The following C12orf42 variants were observed in gnomAD, a reference collection of about 807,000 sequenced individuals.
C12orf42 encodes the protein chromosome 12 open reading frame 42.
A neutral mutation model predicts 21.6 loss-of-function variants in C12orf42; 25 were observed. The observed-to-expected ratio is 1.16, with a 90% CI of 0.84 to 1.62. The LOEUF (loss-of-function observed/expected upper bound fraction) is 1.62. Among genes scored for constraint, C12orf42 ranks in the 40% most tolerant of loss-of-function variants. C12orf42 has a pLI of 0.00. For synonymous variants in C12orf42, 174 were observed against 175.0 expected, an observed-to-expected ratio of 0.99 and a Z score of 0.05; for missense variants, 483 against 459.3, an observed-to-expected ratio of 1.05 and a Z score of -0.47.
intron 2 of C12orf42, among the ~76,000 whole-genome samples, chr12:103,427,384 G>T (rs2139255203): frequency 6.6e-6 from 1 of 151,262 alleles, no homozygotes; most frequent in South Asian, 2.1e-4. Flanking sequence ...AACAAGGAAG[G>T]TCATTATATC....
chr12:103,397,014 C>A (rs527676113), intron 3 of C12orf42, among the ~76,000 whole-genome samples: 1 of 152,202 alleles, frequency 6.6e-6, no homozygotes, highest in Admixed American at 6.5e-5. Context: ...TCTGTCTGAT[C>A]TGTGTGTCTA....
intron 2 of C12orf42, among the ~76,000 whole-genome samples, chr12:103,413,370 G>A (rs1398357536): frequency 6.6e-6 from 1 of 152,154 alleles, no homozygotes; most frequent in Non-Finnish European, 1.5e-5. Context: ...AGTATAGTTT[G>A]AAGTCAGATA....
chr12:103,285,915 C>T (rs2036423040), intron 4 of C12orf42, among the ~76,000 whole-genome samples: 1 of 152,102 alleles, frequency 6.6e-6, no homozygotes, highest in Non-Finnish European at 1.5e-5. Context: ...CAGTGCTAAA[C>T]AGATAGTAGG....
the C12orf42 span, among the ~76,000 whole-genome samples, chr12:103,063,675 C>T: frequency 8.5e-5 from 13 of 152,156 alleles, no homozygotes; most frequent in Non-Finnish European, 1.5e-4. Context: ...AGGAGCTACC[C>T]GAACACCCCT....
chr12:103,363,924 C>A (rs1026140818), intron 4 of C12orf42, among the ~76,000 whole-genome samples: 1 of 152,034 alleles, frequency 6.6e-6, no homozygotes, highest in Non-Finnish European at 1.5e-5. Flanking sequence ...ACTGACAGCA[C>A]TAGACAGGCC....
At chr12:103,509,091 T>C in the C12orf42 span, among the ~76,000 whole-genome samples, 1 of 152,150 alleles carries the variant, frequency 6.6e-6, no homozygotes, top group Non-Finnish European at 1.5e-5. Context: ...GAGGTGGTGT[T>C]CAAACCCAGT....
At chr12:103,239,022 G>T (rs889232817) in intron 10 of C12orf42, among the ~76,000 whole-genome samples, 1 of 152,186 alleles carries the variant, frequency 6.6e-6, no homozygotes, top group African/African-American at 2.4e-5. Flanking sequence ...GCTAGTCTCT[G>T]CTCTAGTTTT....
the C12orf42 span, among the ~76,000 whole-genome samples, chr12:103,054,259 G>C: frequency 6.6e-6 from 1 of 151,588 alleles, no homozygotes; most frequent in Admixed American, 6.6e-5. Context: ...GATTTCTTTG[G>C]TCAGCATCTT....
chr12:103,188,544 C>T, the C12orf42 span, among the ~76,000 whole-genome samples: 1 of 152,096 alleles, frequency 6.6e-6, no homozygotes, highest in African/African-American at 2.4e-5. Context: ...AATATGACCT[C>T]CAGTGTTGGA....
At chr12:103,529,938 C>G in the C12orf42 span, among the ~76,000 whole-genome samples, 9 of 152,162 alleles carry the variant, frequency 5.9e-5, no homozygotes, top group South Asian at 1.7e-3. Flanking sequence ...CAGAATTCTC[C>G]CCAGATACCA....
downstream of C12orf42, among the ~76,000 whole-genome samples, chr12:103,267,299 GGAAA>G (rs1162205578): frequency 1.3e-5 from 2 of 152,128 alleles, no homozygotes; most frequent in Admixed American, 1.3e-4. Flanking sequence ...AGGGTCTAAT[GGAAA>G]GAGAGACCCT....
At chr12:103,139,768 A>G in the C12orf42 span, among the ~76,000 whole-genome samples, 1 of 152,184 alleles carries the variant, frequency 6.6e-6, no homozygotes. Flanking sequence ...ATTTAAAGAG[A>G]CAATACAGAC....
intron 4 of C12orf42, among the ~76,000 whole-genome samples, chr12:103,367,498 C>A (rs954076687): frequency 3.3e-5 from 5 of 150,720 alleles, no homozygotes; most frequent in Admixed American, 1.3e-4. Context: ...AATGAGAAAG[C>A]ACTCAATGCA....
the C12orf42 span, among the ~76,000 whole-genome samples, chr12:103,068,749 G>A: frequency 8.0e-5 from 12 of 150,882 alleles, no homozygotes; most frequent in Admixed American, 6.6e-4. Flanking sequence ...TCCTGCCCTC[G>A]AATATCAGAC....
At chr12:103,458,007 A>G (rs780910576) in intron 2 of C12orf42, among the ~76,000 whole-genome samples, 1 of 152,192 alleles carries the variant, frequency 6.6e-6, no homozygotes, top group Non-Finnish European at 1.5e-5. Flanking sequence ...TGCACTTCAG[A>G]TAAAATTAAA....
At chr12:103,387,657 T>A (rs1341852833) in intron 3 of C12orf42, among the ~76,000 whole-genome samples, 1 of 152,220 alleles carries the variant, frequency 6.6e-6, no homozygotes, top group Non-Finnish European at 1.5e-5. Context: ...AGGCTCCATA[T>A]ATCCTAGCAG....
the C12orf42 span, among the ~76,000 whole-genome samples, chr12:103,533,745 C>G: frequency 6.6e-6 from 1 of 152,258 alleles, no homozygotes; most frequent in East Asian, 1.9e-4. Context: ...ATCACAGAAC[C>G]AGATTATAAT....
chr12:103,214,451 T>C, the C12orf42 span, among the ~76,000 whole-genome samples: 1 of 152,194 alleles, frequency 6.6e-6, no homozygotes, highest in Non-Finnish European at 1.5e-5. Flanking sequence ...CAGTTTCTAC[T>C]GACTGGGTCC....
At chr12:103,318,597 G>T (rs1435505203) in intron 4 of C12orf42, among the ~76,000 whole-genome samples, 1 of 152,170 alleles carries the variant, frequency 6.6e-6, no homozygotes, top group Non-Finnish European at 1.5e-5. Flanking sequence ...TCCTGACAAA[G>T]AATGAACTTG....
Sources: allele counts gnomAD v4.1 joint callset (sites outside exome capture counted in the v4.1 genomes callset), GRCh38; gene constraint gnomAD v4.1.1; transcripts MANE v1.5; gene names NCBI Gene and HGNC (gene_info 2026-07-23, HGNC 2026-07-21).